The following TIAM1 variants were observed in gnomAD, a reference collection of about 807,000 sequenced individuals.
TIAM1 encodes the protein TIAM Rac1 associated GEF 1.
TIAM1 carries 65 observed loss-of-function variants against 163.5 expected under a neutral mutation model. That is an observed-to-expected ratio of 0.40 (90% CI 0.33 to 0.49). The LOEUF (loss-of-function observed/expected upper bound fraction) is 0.49. Among genes scored for constraint, TIAM1 ranks in the 20% least tolerant of loss-of-function variants. TIAM1 has a pLI of 0.77. For synonymous variants in TIAM1, 833 were observed against 810.1 expected (o/e 1.03, Z -0.48); for missense variants, 1,789 against 2,044.7 (o/e 0.87, Z 2.41).
At chr21:31,340,809 GA>G (rs894424404) in intron 1 of TIAM1, among the ~76,000 whole-genome samples, 4 of 148,276 alleles carry the variant, frequency 2.7e-5, no homozygotes, top group African/African-American at 1.0e-4. Flanking sequence ...AAAAAGGAAA[GA>G]AAAAAACAAC....
At chr21:31,469,605 G>C (rs1158441151) in intron 1 of TIAM1, among the ~76,000 whole-genome samples, 1 of 152,118 alleles carries the variant, frequency 6.6e-6, no homozygotes, top group South Asian at 2.1e-4. Context: ...AAGGCAGGCA[G>C]ATCACGAGGT....
Position 31,210,107 on chromosome 21 carries a change from G to A in TIAM1, c.2326C>T (p.Pro776Ser). 6.2e-7 allele frequency: 1 copy of A among 1,614,172 alleles called. No homozygotes were observed. The highest frequency in any genetic ancestry group is 8.5e-7 in the Non-Finnish European group (1 of 1,180,034). The change falls in exon 11 of 28, where the codon CCT becomes TCT. Residue 776 changes from proline (P) to serine (S), a missense_variant. By Grantham distance (74) the Pro-to-Ser change is moderately conservative (BLOSUM62 -1). This residue lies in a region of TIAM1 where 456 missense variants were observed against 586.6 expected (regional missense o/e 0.78). Coordinates refer to ENST00000541036, the MANE Select transcript of TIAM1 (RefSeq NM_001353694.2). ...CCTGGCCGGACGACCGTCAGGGCAG[G>A]CTGATTATTGGGCAGACAGAACCAG... ...PSWFCLPNNQ[P>S]ALTVVRPGDT...
intron 10 of TIAM1, chr21:31,212,566 T>C (rs1428664247): frequency 2.0e-5 from 3 of 151,580 alleles, no homozygotes; most frequent in Non-Finnish European, 4.4e-5. Flanking sequence ...TGAAAGCCCC[T>C]GTTTAAATCC....
At chr21:31,259,629 AAATAAT>A (rs61401734) in intron 4 of TIAM1, among the ~76,000 whole-genome samples, 5 of 146,262 alleles carry the variant, frequency 3.4e-5, no homozygotes, top group Admixed American at 1.4e-4. Flanking sequence ...TAAAAAAATA[AAATAAT>A]AATAATAATA....
intron 5 of TIAM1, among the ~76,000 whole-genome samples, chr21:31,247,051 G>A (rs967143854): frequency 8.5e-5 from 13 of 152,086 alleles, no homozygotes; most frequent in African/African-American, 3.1e-4. Flanking sequence ...CAGGCACAGT[G>A]GCTTATGCCT....
At chr21:31,335,053 C>T (rs1339125528) in intron 2 of TIAM1, among the ~76,000 whole-genome samples, 1 of 152,152 alleles carries the variant, frequency 6.6e-6, no homozygotes, top group Admixed American at 6.5e-5. Context: ...CCAGGGAAGC[C>T]TCCAGGGTAT....
intron 2 of TIAM1, among the ~76,000 whole-genome samples, chr21:31,387,512 C>G (rs778438632): frequency 5.3e-5 from 8 of 151,878 alleles, no homozygotes; most frequent in Non-Finnish European, 1.0e-4. Context: ...CGAGCCTGGC[C>G]TGTCTTTTTT....
chr21:31,174,170 G>A lies in TIAM1; in HGVS notation c.2887+8251C>T, dbSNP rs544110908. On this transcript the variant is annotated intron_variant, in intron 15 of 27. Coordinates refer to ENST00000541036, the MANE Select transcript of TIAM1 (RefSeq NM_001353694.2). ...CCCTCCCTGCCGCCTGACTGTCTTC[G>A]GTTTTCAGAATCGAGCTCCAGGCCA... Among the ~76,000 whole-genome samples the A allele has an allele frequency of 2.6e-5, 4 of 152,292 alleles. No individual in the cohort carries two copies. The East Asian group carries it at 5.8e-4, about 22-fold the overall frequency.
intron 2 of TIAM1, among the ~76,000 whole-genome samples, chr21:31,414,801 T>TG (rs2147247498): frequency 6.6e-6 from 1 of 152,288 alleles, no homozygotes; most frequent in African/African-American, 2.4e-5. Context: ...GAAGAGGAAC[T>TG]GGAAAAAGGT....
intron 13 of TIAM1, among the ~76,000 whole-genome samples, chr21:31,190,477 A>G (rs1601482169): frequency 3.3e-5 from 5 of 152,284 alleles, no homozygotes; most frequent in East Asian, 3.9e-4. Flanking sequence ...TAGAAAAACC[A>G]TAACATGATA....
intron 15 of TIAM1, among the ~76,000 whole-genome samples, chr21:31,169,817 A>C (rs576487697): frequency 6.6e-6 from 1 of 152,306 alleles, no homozygotes; most frequent in Admixed American, 6.5e-5. Context: ...GGAAGTGATT[A>C]TATTTAAAGC....
At position 31,546,706 on chromosome 21, in the gene TIAM1, G is replaced by A. The variant is rs952536920; in HGVS notation, c.-422+12221C>T. Among the ~76,000 whole-genome samples the A allele has an allele frequency of 4.6e-5, 7 of 152,124 alleles. 1 individual carries two copies. The South Asian group carries it at 6.2e-4, about 14-fold the overall frequency. Reference sequence around the variant, plus strand: ...TTCATGGCAAAGGAAAAAATTCAAGGATATGCATGTCACAGCATCTACAGT... The same window carrying A: ...TTCATGGCAAAGGAAAAAATTCAAGAATATGCATGTCACAGCATCTACAGT... On this transcript the variant is annotated intron_variant, in intron 1 of 28. Coordinates refer to the TIAM1 transcript ENST00000286827.
chr21:31,129,546 G>A (rs1180605980), intron 25 of TIAM1, among the ~76,000 whole-genome samples: 5 of 152,166 alleles, frequency 3.3e-5, no homozygotes, highest in Admixed American at 3.3e-4. Context: ...TGGTTGTGCT[G>A]GCACATGCCT....
intron 11 of TIAM1, among the ~76,000 whole-genome samples, chr21:31,209,843 C>T (rs1162468786): frequency 6.6e-6 from 1 of 152,184 alleles, no homozygotes; most frequent in Non-Finnish European, 1.5e-5. Flanking sequence ...TAGAAGAGTT[C>T]CTCTCTTCCC....
chr21:31,166,655 A>T (rs1206551241), intron 15 of TIAM1, among the ~76,000 whole-genome samples: 3 of 152,120 alleles, frequency 2.0e-5, no homozygotes, highest in Non-Finnish European at 2.9e-5. Flanking sequence ...GTATTCAATC[A>T]CTCATTACTT....
chr21:31,312,652 A>G (rs1034718128), intron 2 of TIAM1, among the ~76,000 whole-genome samples: 7 of 152,194 alleles, frequency 4.6e-5, no homozygotes, highest in Non-Finnish European at 1.0e-4. Context: ...ATCCATAATA[A>G]TAGGGTCACT....
chr21:31,494,954 T>C (rs1404660987), intron 1 of TIAM1, among the ~76,000 whole-genome samples: 1 of 152,178 alleles, frequency 6.6e-6, no homozygotes, highest in Non-Finnish European at 1.5e-5. Flanking sequence ...CGTGCAAGGA[T>C]GTCCTCATTC....
At chr21:31,460,397 C>A (rs1011744222) in intron 2 of TIAM1, among the ~76,000 whole-genome samples, 1 of 152,142 alleles carries the variant, frequency 6.6e-6, no homozygotes, top group African/African-American at 2.4e-5. Context: ...GAAGCTGAGG[C>A]GGGTGGATCA....
chr21:31,377,578 A>G (rs560385866), intron 2 of TIAM1, among the ~76,000 whole-genome samples: 1 of 152,154 alleles, frequency 6.6e-6, no homozygotes, highest in Non-Finnish European at 1.5e-5. Context: ...ACTGATGCCA[A>G]GCCAAACCCT....
Sources: gnomAD v4.1 joint callset for allele counts (sites outside exome capture counted in the v4.1 genomes callset) on GRCh38, gnomAD v4.1.1 for gene constraint, gnomAD v4.1.1 regional missense constraint, MANE v1.5 for transcripts, NCBI Gene and HGNC (gene_info 2026-07-23, HGNC 2026-07-21) for gene names.